The following SOCS2 variants were observed in gnomAD, a reference collection of about 807,000 sequenced individuals.
SOCS2 encodes the protein suppressor of cytokine signaling 2.
SOCS2 carries 10 observed loss-of-function variants against 18.6 expected under a neutral mutation model. The observed-to-expected ratio is 0.54, with a 90% CI of 0.33 to 0.91. The LOEUF is 0.91. Ranked by LOEUF, SOCS2 falls within the 40% of genes least tolerant of loss-of-function variation. The pLI, the probability that SOCS2 is intolerant of heterozygous loss-of-function variation, is 0.02. For missense variants in SOCS2, 231 were observed against 247.2 expected, an observed-to-expected ratio of 0.93 and a Z score of 0.44; for synonymous variants, 104 against 104.0, an observed-to-expected ratio of 1.00 and a Z score of 0.00.
intron 1 of SOCS2, chr12:93,573,245 C>T: frequency 1.6e-6 from 1 of 637,110 alleles, no homozygotes; most frequent in East Asian, 2.8e-5. Context: ...TGGCGGAGCG[C>T]AGAGCGCGGG....
intron 1 of SOCS2, 197 bp downstream of exon 1, chr12:93,573,233 C>G: frequency 1.5e-6 from 1 of 670,138 alleles, no homozygotes; most frequent in African/African-American, 1.8e-5. Context: ...GGGACTCAGG[C>G]CTGGCGGAGC....
upstream of SOCS2, chr12:93,572,573 G>T: frequency 1.8e-6 from 1 of 551,844 alleles, no homozygotes; most frequent in Non-Finnish European, 3.4e-6. The surrounding 1 kb of genome is among the most constrained non-coding windows in gnomAD (Gnocchi z 5.0). Flanking sequence ...AAATGGTGCA[G>T]GAACGTAGAG....
downstream of SOCS2, among the ~76,000 whole-genome samples, chr12:93,577,185 G>T (rs547980140): frequency 1.3e-5 from 2 of 152,294 alleles, no homozygotes; most frequent in East Asian, 3.9e-4. Flanking sequence ...AAAAAGTTCT[G>T]AGTTACTGCT....
chr12:93,581,068 A>T (rs777615538), downstream of SOCS2, among the ~76,000 whole-genome samples: 9 of 152,222 alleles, frequency 5.9e-5, no homozygotes, highest in Non-Finnish European at 8.8e-5. Context: ...CTGGCTAAAA[A>T]AATATCAAGA....
the SOCS2 span, among the ~76,000 whole-genome samples, chr12:93,599,079 A>G: frequency 6.6e-6 from 1 of 151,660 alleles, no homozygotes; most frequent in Non-Finnish European, 1.5e-5. Flanking sequence ...TTTCCTGCTT[A>G]CTAGTCACTA....
the SOCS2 span, among the ~76,000 whole-genome samples, chr12:93,614,487 C>CTT: frequency 3.3e-5 from 1 of 30,052 alleles, no homozygotes; most frequent in African/African-American, 2.1e-4. Context: ...TCCTTTCCTT[C>CTT]CTTCCTTCCT....
At chr12:93,624,753 T>G in the SOCS2 span, among the ~76,000 whole-genome samples, 24,024 of 152,086 alleles carry the variant, frequency 0.16, 2,798 homozygotes, top group East Asian at 0.35. Context: ...CCCATTAAGT[T>G]GCTCCCATTA....
At chr12:93,589,627 T>G in the SOCS2 span, among the ~76,000 whole-genome samples, 1 of 152,204 alleles carries the variant, frequency 6.6e-6, no homozygotes, top group East Asian at 1.9e-4. Context: ...TTGCCCATGT[T>G]GTAGACTGCA....
chr12:93,621,187 G>C, the SOCS2 span, among the ~76,000 whole-genome samples: 1 of 152,162 alleles, frequency 6.6e-6, no homozygotes, highest in Non-Finnish European at 1.5e-5. Flanking sequence ...AGACATCACA[G>C]TAGTTTTTGA....
At chr12:93,605,928 A>G in the SOCS2 span, among the ~76,000 whole-genome samples, 4 of 152,242 alleles carry the variant, frequency 2.6e-5, no homozygotes, top group Non-Finnish European at 5.9e-5. Flanking sequence ...ATAGTTTCAT[A>G]TGCCTGAACA....
chr12:93,616,324 G>C, the SOCS2 span, among the ~76,000 whole-genome samples: 1 of 152,222 alleles, frequency 6.6e-6, no homozygotes, highest in Non-Finnish European at 1.5e-5. Flanking sequence ...AAGGGAAGCA[G>C]TACCAAGAGA....
chr12:93,608,224 C>A, the SOCS2 span, among the ~76,000 whole-genome samples: 6 of 151,732 alleles, frequency 4.0e-5, no homozygotes, highest in Admixed American at 3.9e-4. Flanking sequence ...TGGTCTCGAA[C>A]TCCTGTCCTC....
At chr12:93,614,478 C>CTTTCTTTCTTT in the SOCS2 span, among the ~76,000 whole-genome samples, 19 of 49,436 alleles carry the variant, frequency 3.8e-4, 2 homozygotes, top group African/African-American at 1.9e-3. Context: ...TTCCTTCCTT[C>CTTTCTTTCTTT]CTTTCCTTCC....
At chr12:93,617,269 C>T in the SOCS2 span, among the ~76,000 whole-genome samples, 3 of 152,140 alleles carry the variant, frequency 2.0e-5, no homozygotes. Flanking sequence ...TAGCAATCTG[C>T]TTTCTCCTGA....
chr12:93,578,008 A>G (rs1263958062), downstream of SOCS2, among the ~76,000 whole-genome samples: 2 of 152,226 alleles, frequency 1.3e-5, no homozygotes, highest in African/African-American at 4.8e-5. Flanking sequence ...AGACTTATAT[A>G]TCCCCAAACT....
the SOCS2 span, among the ~76,000 whole-genome samples, chr12:93,605,347 T>C: frequency 1.2e-4 from 18 of 152,198 alleles, no homozygotes; most frequent in Non-Finnish European, 2.4e-4. Flanking sequence ...CTTATACTTC[T>C]TAAGACATAA....
the SOCS2 span, among the ~76,000 whole-genome samples, chr12:93,615,918 C>T: frequency 6.6e-6 from 1 of 152,138 alleles, no homozygotes; most frequent in African/African-American, 2.4e-5. Context: ...GTAGAAAGGA[C>T]CTTAGAGGTT....
At chr12:93,600,053 C>T in the SOCS2 span, among the ~76,000 whole-genome samples, 1 of 152,064 alleles carries the variant, frequency 6.6e-6, no homozygotes, top group East Asian at 1.9e-4. Flanking sequence ...ATTTACCAAT[C>T]TTATTCTTTA....
At chr12:93,623,257 C>T in the SOCS2 span, among the ~76,000 whole-genome samples, 1 of 152,090 alleles carries the variant, frequency 6.6e-6, no homozygotes, top group African/African-American at 2.4e-5. Flanking sequence ...CTCCTTTCTC[C>T]TGCTGCCATG....
Sources: allele counts gnomAD v4.1 joint callset (sites outside exome capture counted in the v4.1 genomes callset), GRCh38; gene constraint gnomAD v4.1.1; non-coding constraint Gnocchi (gnomAD v3.1); transcripts MANE v1.5; gene names NCBI Gene and HGNC (gene_info 2026-07-23, HGNC 2026-07-21).